Variants in HSD17B3 observed in about 807,000 individuals in gnomAD.
HSD17B3 encodes hydroxysteroid 17-beta dehydrogenase 3, also known as 17-beta-hydroxysteroid dehydrogenase type 3.
HSD17B3 carries 29 observed loss-of-function variants against 41.1 expected under a neutral mutation model. The ratio of observed to expected loss-of-function variants is 0.71; its 90% CI spans 0.53 to 0.96. The LOEUF (loss-of-function observed/expected upper bound fraction) is 0.96. Ranked by LOEUF, HSD17B3 falls within the 40% of genes least tolerant of loss-of-function variation. HSD17B3 has a pLI of 0.00. For missense variants in HSD17B3, 323 were observed against 374.6 expected (o/e 0.86, Z 1.14); for synonymous variants, 126 against 145.6 (o/e 0.87, Z 0.97).
intron 2 of HSD17B3, among the ~76,000 whole-genome samples, chr9:96,289,714 CG>C (rs2130788358): frequency 6.6e-6 from 1 of 152,268 alleles, no homozygotes; most frequent in Non-Finnish European, 1.5e-5. Context: ...GGGGGGCGCC[CG>C]AGAACACTTG....
rs10524217 is a variant in HSD17B3, at chr9:96,236,514, CATAAATAA to C, written c.823-952_823-945del. 7.6e-3 allele frequency among the ~76,000 whole-genome samples: 1,039 copies of C among 137,174 alleles called. 14 individuals carry two copies. The highest frequency in any genetic ancestry group is 0.025 in the African/African-American group (913 of 35,886). The allele number at this position is 137,174 out of a possible 152,430, so 90.0% of individuals were successfully genotyped here. A position where few individuals can be genotyped will look rare whatever the true frequency, so the allele number is the denominator to read the frequency against. ...CCTGGGTGACAGAGCGAGAGTCTGT[CATAAATAA>C]ATAAATAAATAAATAAATAAATAAA... is the stretch of plus-strand genomic sequence containing the variant. On this transcript the variant is annotated intron_variant, in intron 10 of 10. Transcript: ENST00000375263.
chr9:96,275,881 T>C (rs986306966), intron 2 of HSD17B3, among the ~76,000 whole-genome samples: 11 of 151,456 alleles, frequency 7.3e-5, no homozygotes, highest in South Asian at 2.1e-4. Context: ...AAAATGACAA[T>C]AGTAAGTCCT....
At chr9:96,260,309 C>A (rs954223097) in intron 2 of HSD17B3, among the ~76,000 whole-genome samples, 2 of 152,114 alleles carry the variant, frequency 1.3e-5, no homozygotes, top group Non-Finnish European at 2.9e-5. Context: ...CAACTTGTCC[C>A]AGGAGCTTCC....
At chr9:96,249,875 GC>G in intron 5 of HSD17B3, 89 bp from the exon 6 acceptor site, 1 of 1,609,436 alleles carries the variant, frequency 6.2e-7, no homozygotes, top group Non-Finnish European at 8.5e-7. Flanking sequence ...CATGAAGTGG[GC>G]AAAAGTGCAT....
intron 2 of HSD17B3, among the ~76,000 whole-genome samples, chr9:96,261,349 C>A (rs956031233): frequency 1.3e-5 from 2 of 152,212 alleles, no homozygotes; most frequent in African/African-American, 4.8e-5. Flanking sequence ...GCATGTGCCA[C>A]CATGCCCGGC....
At chr9:96,283,982 T>C (rs1826806611) in intron 2 of HSD17B3, among the ~76,000 whole-genome samples, 1 of 152,064 alleles carries the variant, frequency 6.6e-6, no homozygotes, top group Non-Finnish European at 1.5e-5. Flanking sequence ...CCCAGCACTT[T>C]AGGAGTCCAA....
At chr9:96,287,121 G>T (rs947798171) in intron 2 of HSD17B3, among the ~76,000 whole-genome samples, 10 of 152,108 alleles carry the variant, frequency 6.6e-5, no homozygotes, top group African/African-American at 1.2e-4. Flanking sequence ...AACAGGGGTG[G>T]TGACCTTCAG....
chr9:96,237,027 G>A (rs892245917), intron 10 of HSD17B3, among the ~76,000 whole-genome samples: 6 of 152,070 alleles, frequency 3.9e-5, no homozygotes, highest in Non-Finnish European at 7.4e-5. Flanking sequence ...ACAGCTTCTG[G>A]GAGCCAAAGC....
At chr9:96,250,773 AGCTACTC>A (rs764276993) in intron 5 of HSD17B3, among the ~76,000 whole-genome samples, 165 of 151,990 alleles carry the variant, frequency 1.1e-3, no homozygotes, top group Non-Finnish European at 2.0e-3. Flanking sequence ...CTGCAGTCCC[AGCTACTC>A]AGGAGGCTGA....
At chr9:96,235,906 A>G (rs147454495) in intron 10 of HSD17B3, among the ~76,000 whole-genome samples, 1 of 151,990 alleles carries the variant, frequency 6.6e-6, no homozygotes, top group African/African-American at 2.4e-5. Flanking sequence ...CCTGGGCTCA[A>G]GGGATCCTCC....
At position 96,272,810 on chromosome 9, in the gene HSD17B3, G is replaced by A. The variant is rs77807131; in HGVS notation, c.202-17867C>T. Among the ~76,000 whole-genome samples, 894 of 152,094 alleles carry A rather than the reference G, an allele frequency of 5.9e-3. 13 individuals are homozygous for A. The highest frequency in any genetic ancestry group is 0.019 in the African/African-American group (785 of 41,498). On this transcript the variant is annotated intron_variant, in intron 2 of 10. Transcript: ENST00000375263. ...GTATAGCCAAAAACTGGAAATAGCC[G>A]GGATGTCCTTCAGTAGATTAATGGT... is the stretch of plus-strand genomic sequence containing the variant.
chr9:96,284,474 G>T (rs968366102), intron 2 of HSD17B3, among the ~76,000 whole-genome samples: 2 of 152,150 alleles, frequency 1.3e-5, no homozygotes, highest in East Asian at 3.8e-4. Context: ...TTGCATAAGT[G>T]CAAAAAGAAT....
At chr9:96,248,346 T>C (rs1444149030) in intron 6 of HSD17B3, among the ~76,000 whole-genome samples, 1 of 152,176 alleles carries the variant, frequency 6.6e-6, no homozygotes, top group East Asian at 1.9e-4. Flanking sequence ...CTTATTCACC[T>C]GAAAAGAAAA....
chr9:96,285,697 G>A (rs932263301), intron 2 of HSD17B3, among the ~76,000 whole-genome samples: 20 of 152,130 alleles, frequency 1.3e-4, no homozygotes, highest in African/African-American at 4.8e-4. Flanking sequence ...GTTGGAACTT[G>A]GAGTTATGAA....
chr9:96,235,979 C>CTT lies in HSD17B3; in HGVS notation c.823-411_823-410dup, dbSNP rs113139648. On this transcript the variant is annotated intron_variant, in intron 10 of 10. Coordinates refer to ENST00000375263, the MANE Select transcript of HSD17B3 (RefSeq NM_000197.2). ...TGTCACCATGCCTGGCTAATTTTTT[C>CTT]TTTTTTTTTTTTCAGAGACAGAGTC... 3.7e-4 allele frequency among the ~76,000 whole-genome samples: 53 copies of CTT among 144,156 alleles called. 1 individual carries two copies. Among genetic ancestry groups the CTT allele is most frequent in the African/African-American group, 1.3e-3 (51 of 39,752 alleles). The allele number at this position is 144,156 out of a possible 152,430, so 94.6% of individuals were successfully genotyped here.
intron 6 of HSD17B3, 50 bp downstream of exon 6, chr9:96,249,701 T>A (rs1326824132): frequency 6.3e-7 from 1 of 1,587,640 alleles, no homozygotes; most frequent in South Asian, 1.1e-5. Context: ...AGTTGCCAAA[T>A]TTCAAGTTAC....
At chr9:96,254,585 G>A (rs566976858) in intron 3 of HSD17B3, among the ~76,000 whole-genome samples, 3 of 152,304 alleles carry the variant, frequency 2.0e-5, no homozygotes, top group Admixed American at 2.0e-4. Flanking sequence ...CCCGCTCAAG[G>A]TTGAGCAGGG....
intron 2 of HSD17B3, among the ~76,000 whole-genome samples, chr9:96,281,112 C>G (rs917502375): frequency 6.6e-6 from 1 of 152,054 alleles, no homozygotes; most frequent in African/African-American, 2.4e-5. Flanking sequence ...GCTCAAGACC[C>G]AAGAACCTTC....
intron 3 of HSD17B3, 115 bp from the exon 4 acceptor site, chr9:96,253,025 T>C (rs1825489558): frequency 1.7e-5 from 13 of 754,780 alleles, no homozygotes; most frequent in Non-Finnish European, 2.7e-5. Context: ...GGACAGCCCA[T>C]TGCCCCAAAT....
Sources: gnomAD v4.1 joint callset for allele counts (sites outside exome capture counted in the v4.1 genomes callset) on GRCh38, gnomAD v4.1.1 for gene constraint, MANE v1.5 for transcripts, NCBI Gene and HGNC (gene_info 2026-07-23, HGNC 2026-07-21) for gene names.